The following AAK1 variants were observed in gnomAD, a reference collection of about 807,000 sequenced individuals.
The protein encoded by AAK1 is AP2 associated kinase 1, also known as AP2-associated protein kinase 1.
AAK1 carries 37 observed loss-of-function variants against 116.0 expected under a neutral mutation model. The observed-to-expected ratio is 0.32, with a 90% confidence interval of 0.25 to 0.42. The LOEUF is 0.42. AAK1 is among the 10% of genes least tolerant of loss of function. The pLI is 1.00. For missense variants in AAK1, 919 were observed against 1,170.6 expected (o/e 0.79, Z 3.14); for synonymous variants, 458 against 439.9 (o/e 1.04, Z -0.51).
chr2:69,560,739 A>T (rs141675135), intron 2 of AAK1, among the ~76,000 whole-genome samples: 214 of 152,212 alleles, frequency 1.4e-3, no homozygotes, highest in African/African-American at 4.8e-3. Context: ...GTTGATGGAG[A>T]TGTGGATGGC....
chr2:69,532,599 C>A (rs919017009), intron 5 of AAK1, among the ~76,000 whole-genome samples: 2 of 151,946 alleles, frequency 1.3e-5, no homozygotes, highest in African/African-American at 4.8e-5. Flanking sequence ...CTTTTTGAAA[C>A]TTTCAGGCTC....
chr2:69,637,903 TTCA>T lies in AAK1; in HGVS notation c.163+4972_163+4974del, dbSNP rs1339036194. The stretch of plus-strand genomic sequence containing the variant: ...AGTCACGTGAAACTGCTGCTCTCTC[TTCA>T]TCATTATTTGTTATTAAATGAGCTT... On this transcript the variant is annotated intron_variant, in intron 2 of 21. Coordinates refer to ENST00000409085, the MANE Select transcript of AAK1 (RefSeq NM_014911.5). 3.9e-5 allele frequency among the ~76,000 whole-genome samples: 6 copies of T among 152,206 alleles called. No homozygotes were observed. In the East Asian group the frequency reaches 1.2e-3, roughly 29 times the overall value.
chr2:69,610,502 G>A (rs185374563), intron 2 of AAK1, among the ~76,000 whole-genome samples: 89 of 152,262 alleles, frequency 5.8e-4, no homozygotes, highest in Non-Finnish European at 1.0e-3. Flanking sequence ...TATGCAAATG[G>A]AACCATAGCA....
At chr2:69,562,317 T>A (rs1281204361) in intron 2 of AAK1, among the ~76,000 whole-genome samples, 1 of 152,214 alleles carries the variant, frequency 6.6e-6, no homozygotes, top group Non-Finnish European at 1.5e-5. Context: ...TGCACTTCCC[T>A]ATAGATCCTT....
At position 69,469,831 on chromosome 2, in the gene AAK1, G is replaced by T; in HGVS notation, c.*6038C>A. 2.0e-6 allele frequency: 2 copies of T among 985,406 alleles called. No homozygotes were observed. Among genetic ancestry groups the T allele is most frequent in the Non-Finnish European group, 2.4e-6 (2 of 829,934 alleles). The allele number at this position is 985,406 out of a possible 1,614,324, so 61.0% of individuals were successfully genotyped here. Reference sequence around the variant, plus strand: ...GATGTAGGACTGTGTGCCAGGTTAGGCACGTTGACACTTTCAATATGGGTA... The same window carrying T: ...GATGTAGGACTGTGTGCCAGGTTAGTCACGTTGACACTTTCAATATGGGTA... On this transcript the variant is annotated 3_prime_UTR_variant, in exon 22 of 22. Transcript: ENST00000409085.
chr2:69,573,740 C>T (rs1169808361), intron 2 of AAK1, among the ~76,000 whole-genome samples: 1 of 152,198 alleles, frequency 6.6e-6, no homozygotes, highest in Admixed American at 6.5e-5. Flanking sequence ...TGGCTCACAC[C>T]TGTAATCCCA....
intron 2 of AAK1, among the ~76,000 whole-genome samples, chr2:69,595,803 T>G (rs1673254385): frequency 6.6e-6 from 1 of 152,164 alleles, no homozygotes; most frequent in Non-Finnish European, 1.5e-5. Context: ...ATCTAAGACT[T>G]TCATAGCTAG....
At chr2:69,517,364 G>A (rs1249350126) in intron 12 of AAK1, among the ~76,000 whole-genome samples, 1 of 152,130 alleles carries the variant, frequency 6.6e-6, no homozygotes, top group Non-Finnish European at 1.5e-5. Context: ...GATGAATTAA[G>A]GAACTTGGCA....
rs574256616 is a variant in AAK1 at position 69,473,379 on chromosome 2, G to C, written c.*2490C>G. ...AACTCAAATAAACTCTTTCAGCTCA[G>C]GGATGATGCTCTAAACCAAGGAAGG... On this transcript the variant is annotated 3_prime_UTR_variant, in exon 22 of 22. Coordinates refer to ENST00000409085, the MANE Select transcript of AAK1 (RefSeq NM_014911.5). The C allele has an allele frequency of 3.0e-6, 3 of 985,472 alleles. No homozygotes were observed. Among genetic ancestry groups the C allele is most frequent in the South Asian group, 9.4e-5 (2 of 21,284 alleles). The allele number at this position is 985,472 out of a possible 1,614,324, so 61.0% of individuals were successfully genotyped here.
intron 2 of AAK1, chr2:69,598,011 C>G (rs1673377213): frequency 5.5e-6 from 2 of 361,938 alleles, no homozygotes; most frequent in Non-Finnish European, 4.9e-6. Flanking sequence ...TACGTTATGT[C>G]TGAAAGGGAA....
intron 2 of AAK1, among the ~76,000 whole-genome samples, chr2:69,606,118 A>C (rs1220092821): frequency 6.6e-6 from 1 of 152,190 alleles, no homozygotes; most frequent in East Asian, 1.9e-4. Context: ...CACTCAGAAG[A>C]ACCATCTTTA....
intron 2 of AAK1, among the ~76,000 whole-genome samples, chr2:69,625,443 A>G (rs1009630872): frequency 3.9e-5 from 6 of 152,246 alleles, no homozygotes; most frequent in Non-Finnish European, 8.8e-5. Context: ...CAGATCTATA[A>G]CAAAACAGTA....
In AAK1 at chr2:69,482,730, G is replaced by T. The variant is rs1282160106; in HGVS notation, c.2448C>A (p.Ser816Arg). 1.2e-6 allele frequency: 2 copies of T among 1,611,374 alleles called. No homozygotes were observed. The highest frequency in any genetic ancestry group is 2.7e-5 in the African/African-American group (2 of 74,846). The change falls in exon 18 of 22, where the codon AGC becomes AGA. Residue 816 changes from serine to arginine, a missense_variant. Transcript: ENST00000409085. ...CTTTACCAATTACAGCATCAGAAGT[G>T]CTACCAAAAGGATCTGTCATAGGCA... ...DLLPMTDPFG[S>R]TSDAVIEKAD...
chr2:69,592,125 T>G (rs1008911524), intron 2 of AAK1, among the ~76,000 whole-genome samples: 2 of 152,114 alleles, frequency 1.3e-5, no homozygotes, highest in Non-Finnish European at 2.9e-5. Flanking sequence ...CGCTCCAAAT[T>G]CCCAGTATCT....
intron 8 of AAK1, among the ~76,000 whole-genome samples, chr2:69,529,706 C>A (rs903217088): frequency 1.3e-5 from 2 of 152,106 alleles, no homozygotes; most frequent in African/African-American, 4.8e-5. Flanking sequence ...AGCTGGACTC[C>A]TTTGGTACCG....
intron 2 of AAK1, chr2:69,594,624 T>C: frequency 1.9e-6 from 1 of 522,132 alleles, no homozygotes; most frequent in Non-Finnish European, 3.4e-6. Flanking sequence ...GTGAGGCCTC[T>C]TGTACCAAAC....
In AAK1 at chr2:69,505,569, C is replaced by G. The variant is rs1250410868; in HGVS notation, c.2269G>C (p.Ala757Pro). The G allele has an allele frequency of 6.2e-7, 1 of 1,612,956 alleles. No homozygotes were observed. Among genetic ancestry groups the G allele is most frequent in the Non-Finnish European group, 8.5e-7 (1 of 1,179,324 alleles). ...FATTSFSAGT[A>P]EKRKGGQTVD... The stretch of plus-strand genomic sequence containing the variant: ...CGTTCCAGGTATTTGCCATACTAAC[C>G]AGTTCCAGCAGAAAATGAGGTCGTA... The change falls in exon 16 of 22, where the codon GCT (alanine) becomes CCT (proline). Residue 757 changes from alanine to proline, a missense_variant and splice_region_variant. Physicochemically the swap from Ala to Pro is conservative, Grantham distance 27. Coordinates refer to ENST00000409085, the MANE Select transcript of AAK1 (RefSeq NM_014911.5).
At chr2:69,624,092 A>T (rs10208425) in intron 2 of AAK1, among the ~76,000 whole-genome samples, 6 of 152,304 alleles carry the variant, frequency 3.9e-5, no homozygotes, top group African/African-American at 1.4e-4. Flanking sequence ...GGAGAAAGGG[A>T]GAGAGGGAGG....
chr2:69,518,349 A>G (rs958263897), intron 12 of AAK1, among the ~76,000 whole-genome samples: 1 of 151,916 alleles, frequency 6.6e-6, no homozygotes, highest in Non-Finnish European at 1.5e-5. Context: ...CTCTCTTATG[A>G]TAATGGTGTT....
Sources: gnomAD v4.1 joint callset for allele counts (sites outside exome capture counted in the v4.1 genomes callset) on GRCh38, gnomAD v4.1.1 for gene constraint, MANE v1.5 for transcripts, NCBI Gene and HGNC (gene_info 2026-07-23, HGNC 2026-07-21) for gene names.